Variants in KLC4 observed in about 807,000 individuals in gnomAD.
KLC4 encodes the protein kinesin-like protein 8.
Under a neutral mutation model 77.2 loss-of-function variants are expected in KLC4, and 49 were observed. The observed-to-expected ratio is 0.63, with a 90% CI of 0.50 to 0.80. The LOEUF (loss-of-function observed/expected upper bound fraction) is 0.80. Among genes scored for constraint, KLC4 ranks in the 30% least tolerant of loss-of-function variants. The probability of loss-of-function intolerance (pLI) is 0.00; values close to 1 mark genes in which losing one functional copy is unlikely to be tolerated. For synonymous variants in KLC4, 274 were observed against 314.5 expected, an observed-to-expected ratio of 0.87 and a Z score of 1.36; for missense variants, 669 against 793.5, an observed-to-expected ratio of 0.84 and a Z score of 1.89.
chr6:43,068,255 C>T (rs1765552191), intron 6 of KLC4, among the ~76,000 whole-genome samples: 2 of 150,840 alleles, frequency 1.3e-5, no homozygotes, highest in Non-Finnish European at 3.0e-5. Flanking sequence ...GGGCAAATCA[C>T]GAGGTCAGGA....
In KLC4 at chr6:43,061,511, A is replaced by G. The variant is rs61743333; in HGVS notation, c.176A>G (p.His59Arg). The G allele has an allele frequency of 9.6e-4, 1,555 of 1,614,166 alleles. 13 individuals are homozygous for G. In the African/African-American group the frequency reaches 0.015, roughly 16 times the overall value. Residue 59 changes from histidine (H) to arginine (R), a missense_variant, in exon 2 of 16, where the codon CAT becomes CGT. Physicochemically the swap from His to Arg is conservative, Grantham distance 29. Transcript: ENST00000347162. Reference sequence around the variant, plus strand: ...ATTGAGTGTCTGCAGCAGGGAGGCCATGAGGAAGGGCTGGTGCATGAGAAG... The same window carrying G: ...ATTGAGTGTCTGCAGCAGGGAGGCCGTGAGGAAGGGCTGGTGCATGAGAAG... ...QTIECLQQGG[H>R]EEGLVHEKAR...
In KLC4 at chr6:43,066,472, C is replaced by T. The variant is rs778191540; in HGVS notation, c.738C>T (p.Gly246=). Residue 246 remains glycine (G), a synonymous_variant, in exon 5 of 16, where the codon GGC becomes GGT. Coordinates refer to ENST00000347162, the MANE Select transcript of KLC4 (RefSeq NM_201521.3). The stretch of plus-strand genomic sequence containing the variant: ...TAGAGGACCTGGAGCGCACATCAGG[C>T]CGTGGCCACCCTGATGTCGCCACCA... ...QALEDLERTS[G]RGHPDVATML... 2 of 1,614,032 alleles carry T rather than the reference C, an allele frequency of 1.2e-6. No individual in the cohort carries two copies. Among genetic ancestry groups the T allele is most frequent in the South Asian group, 1.1e-5 (1 of 91,074 alleles).
rs371353190 is a variant in KLC4 at position 43,073,281 on chromosome 6, G to A, written c.1688G>A (p.Arg563His). The change falls in exon 14 of 16, where the codon CGC becomes CAC. Residue 563 changes from arginine (R) to histidine (H), a missense_variant. Physicochemically the swap from Arg to His is conservative, Grantham distance 29 (BLOSUM62 0). Transcript: ENST00000347162. ...GSLGKIRDVL[R>H]RSSELLVRKL... ...CTTGGCAAGATCCGGGATGTGCTCC[G>A]CAGAAGCAGTGAACTCTTGGTGAGG... 18 of 1,614,094 alleles carry A rather than the reference G, an allele frequency of 1.1e-5. No homozygotes were observed. The highest frequency in any genetic ancestry group is 1.4e-5 in the Non-Finnish European group (17 of 1,180,008).
Position 43,074,693 on chromosome 6 carries a change from T to G in KLC4, c.*21T>G. 1 of 1,608,520 alleles carries G rather than the reference T, an allele frequency of 6.2e-7. No homozygotes were observed. The highest frequency in any genetic ancestry group is 8.5e-7 in the Non-Finnish European group (1 of 1,174,832). The stretch of plus-strand genomic sequence containing the variant: ...GCTGACATTCAACCCGGCCCCCAGG[T>G]CTGCTGGGTCCCCCCACCCCCACAG... On this transcript the variant is annotated 3_prime_UTR_variant, in exon 16 of 16. Coordinates refer to ENST00000347162, the MANE Select transcript of KLC4 (RefSeq NM_201521.3).
intron 6 of KLC4, 139 bp from the exon 7 acceptor site, chr6:43,070,215 C>T (rs1765649780): frequency 3.5e-6 from 2 of 577,514 alleles, no homozygotes; most frequent in Non-Finnish European, 6.2e-6. Flanking sequence ...CTCCCTTCAG[C>T]CCCTGGCTCC....
At chr6:43,074,042 G>C (rs972032141) in intron 15 of KLC4, 77 bp downstream of exon 15, 5 of 1,141,190 alleles carry the variant, frequency 4.4e-6, no homozygotes, top group Non-Finnish European at 6.4e-6. Flanking sequence ...TGGAGTAAGG[G>C]AAGAGGGAAG....
intron 8 of KLC4, 25 bp from the exon 9 acceptor site, chr6:43,071,250 G>T (rs2150358117): frequency 2.0e-4 from 220 of 1,113,552 alleles, no homozygotes; most frequent in Non-Finnish European, 2.7e-4. Flanking sequence ...TTTTGTTCCT[G>T]TATTTTTGCC....
rs765332151 is a variant in KLC4 at position 43,061,332 on chromosome 6, C to T, written c.-4C>T. On this transcript the variant is annotated 5_prime_UTR_variant, in exon 2 of 16. Transcript: ENST00000347162. Reference sequence around the variant, plus strand: ...CTAGACCGGGCAAGGTCCCCCAGGCCAGGATGTCAGGCCTGGTGTTGGGGC... The same window carrying T: ...CTAGACCGGGCAAGGTCCCCCAGGCTAGGATGTCAGGCCTGGTGTTGGGGC... 6.2e-7 allele frequency: 1 copy of T among 1,613,202 alleles called. No individual in the cohort carries two copies. Among genetic ancestry groups the T allele is most frequent in the Non-Finnish European group, 8.5e-7 (1 of 1,179,838 alleles).
At chr6:43,072,671 A>G (rs1013771301) in intron 12 of KLC4, 153 bp from the exon 13 acceptor site, 18 of 680,026 alleles carry the variant, frequency 2.6e-5, no homozygotes, top group Non-Finnish European at 3.7e-5. Context: ...TGCATTGCAA[A>G]TAGAAAAGGT....
At chr6:43,065,392 A>G (rs1372851733) in intron 3 of KLC4, 4 of 465,480 alleles carry the variant, frequency 8.6e-6, no homozygotes, top group African/African-American at 7.8e-5. Flanking sequence ...AACTTTCTGT[A>G]TGAGAAGGAG....
In KLC4 at chr6:43,070,852, C is replaced by T. The variant is rs1765683228; in HGVS notation, c.1142C>T (p.Thr381Ile). Residue 381 changes from threonine (T) to isoleucine (I), a missense_variant, in exon 8 of 16, where the codon ACC becomes ATC. Transcript: ENST00000347162. ...LGPDNPNVAR[T>I]KNNLASCYLK... ...CCGGACAACCCTAATGTAGCCCGGA[C>T]CAAGAACAACCTGGTATGGGAGGAG... The T allele has an allele frequency of 6.3e-7, 1 of 1,599,932 alleles. No individual in the cohort carries two copies. The highest frequency in any genetic ancestry group is 1.4e-5 in the African/African-American group (1 of 71,350).
rs773734958 is a variant in KLC4 at position 43,070,372 on chromosome 6, A to C, written c.898A>C (p.Asn300His). Residue 300 changes from asparagine to histidine, a missense_variant, in exon 7 of 16, where the codon AAT (asparagine) becomes CAT (histidine). Asn to His is a moderately conservative substitution (Grantham distance 68, BLOSUM62 1). Transcript: ENST00000347162. ...DHPAVAATLN[N>H]LAVLYGKRGK... ...TTCATAGGTGGCTGCCACACTCAAC[A>C]ATTTGGCTGTGCTCTATGGCAAAAG... is the stretch of plus-strand genomic sequence containing the variant. 2 of 1,613,896 alleles carry C rather than the reference A, an allele frequency of 1.2e-6. No individual in the cohort carries two copies. The highest frequency in any genetic ancestry group is 1.1e-5 in the South Asian group (1 of 91,082).
intron 6 of KLC4, among the ~76,000 whole-genome samples, chr6:43,068,497 A>T (rs1262232873): frequency 6.7e-6 from 1 of 148,820 alleles, no homozygotes; most frequent in Non-Finnish European, 1.5e-5. Flanking sequence ...TAAATGACAG[A>T]CCAGATTTAT....
intron 1 of KLC4, chr6:43,060,530 G>C: frequency 7.8e-7 from 1 of 1,286,508 alleles, no homozygotes; most frequent in Non-Finnish European, 9.9e-7. Context: ...CAGATCCTCT[G>C]ACTCTCTGGC....
At chr6:43,072,049 A>G (rs1316470910) in intron 11 of KLC4, 98 bp from the exon 12 acceptor site, 2 of 1,393,242 alleles carry the variant, frequency 1.4e-6, no homozygotes, top group Admixed American at 1.7e-5. Context: ...TCCCTCTCCT[A>G]TTTTCTTATT....
In KLC4 at chr6:43,072,928, A is replaced by T. The variant is rs41274920; in HGVS notation, c.1593A>T (p.Gly531=). Residue 531 remains glycine (G), a synonymous_variant, in exon 13 of 16, where the codon GGA becomes GGT. Transcript: ENST00000347162. ...EGPGDSVKFE[G]GEDASVAVEW... is the part of the protein sequence containing the mutation. ...CTGGAGACAGTGTGAAATTCGAGGG[A>T]GGTGAAGATGCTTCTGTGGCTGTGG... is the stretch of plus-strand genomic sequence containing the variant. 0.04 allele frequency: 64,270 copies of T among 1,610,346 alleles called. 1,499 individuals are homozygous for T. Among genetic ancestry groups the T allele is most frequent in the African/African-American group, 0.082 (6,146 of 74,778 alleles).
intron 8 of KLC4, 75 bp from the exon 9 acceptor site, chr6:43,071,200 T>TAAAAAAA: frequency 1.6e-6 from 1 of 644,518 alleles, no homozygotes; most frequent in Non-Finnish European, 2.6e-6. Context: ...AGACCTTGTC[T>TAAAAAAA]AAAAAAAAAA....
chr6:43,061,327 C>G lies in KLC4; in HGVS notation c.-9C>G, dbSNP rs759486280. 3.1e-6 allele frequency: 5 copies of G among 1,612,988 alleles called. No homozygotes were observed. In the South Asian group the frequency reaches 5.5e-5, roughly 18 times the overall value. ...TCTCCCTAGACCGGGCAAGGTCCCC[C>G]AGGCCAGGATGTCAGGCCTGGTGTT... On this transcript the variant is annotated 5_prime_UTR_variant, in exon 2 of 16. Transcript: ENST00000347162.
Position 43,074,688 on chromosome 6 carries a change from C to G in KLC4, c.*16C>G, listed in dbSNP as rs1194684059. ...AAGCAGCTGACATTCAACCCGGCCC[C>G]CAGGTCTGCTGGGTCCCCCCACCCC... On this transcript the variant is annotated 3_prime_UTR_variant, in exon 16 of 16. Coordinates refer to ENST00000347162, the MANE Select transcript of KLC4 (RefSeq NM_201521.3). The G allele has an allele frequency of 3.1e-6, 5 of 1,612,512 alleles. No homozygotes were observed. Among genetic ancestry groups the G allele is most frequent in the South Asian group, 2.2e-5 (2 of 91,068 alleles).
Sources: allele counts gnomAD v4.1 joint callset (sites outside exome capture counted in the v4.1 genomes callset), GRCh38; gene constraint gnomAD v4.1.1; transcripts MANE v1.5; gene names NCBI Gene and HGNC (gene_info 2026-07-23, HGNC 2026-07-21).